MDGA2: variants seen among roughly 807,000 people sequenced by gnomAD.
MDGA2 encodes the protein MAM domain containing glycosylphosphatidylinositol anchor 2, also known as MAM domain-containing glycosylphosphatidylinositol anchor protein 2.
MDGA2 carries 40 observed loss-of-function variants against 117.8 expected under a neutral mutation model. The ratio of observed to expected loss-of-function variants is 0.34; its 90% CI spans 0.26 to 0.44. The LOEUF (loss-of-function observed/expected upper bound fraction) is 0.44. MDGA2 is among the 20% of genes least tolerant of loss of function. MDGA2 has a pLI of 1.00. For missense variants in MDGA2, 1,123 were observed against 1,250.6 expected (o/e 0.90, Z 1.54); for synonymous variants, 452 against 439.0 (o/e 1.03, Z -0.37).
intron 2 of MDGA2, among the ~76,000 whole-genome samples, chr14:47,244,711 G>T (rs952950667): frequency 6.6e-6 from 1 of 151,734 alleles, no homozygotes; most frequent in African/African-American, 2.4e-5. Context: ...TCAATGACAT[G>T]ACATCTTGAT....
intron 9 of MDGA2, among the ~76,000 whole-genome samples, chr14:46,936,449 G>C (rs1326458283): frequency 6.6e-6 from 1 of 151,922 alleles, no homozygotes; most frequent in African/African-American, 2.4e-5. Context: ...ATATGAATTT[G>C]AATTGTATAA....
chr14:47,623,779 T>G (rs1459459432), intron 1 of MDGA2, among the ~76,000 whole-genome samples: 2 of 152,190 alleles, frequency 1.3e-5, no homozygotes, highest in African/African-American at 4.8e-5. Flanking sequence ...GGATTATAAT[T>G]AAAACCCAAA....
chr14:47,109,176 A>G (rs1880901463), intron 5 of MDGA2, among the ~76,000 whole-genome samples: 4 of 152,208 alleles, frequency 2.6e-5, no homozygotes, highest in Admixed American at 2.6e-4. Flanking sequence ...CTTGTTATTA[A>G]TGGAAAACAC....
intron 1 of MDGA2, among the ~76,000 whole-genome samples, chr14:47,468,636 AC>A (rs1893652883): frequency 6.8e-6 from 1 of 147,008 alleles, no homozygotes; most frequent in South Asian, 2.2e-4. Flanking sequence ...ACTTCTTCAG[AC>A]CTCATAAATT....
At chr14:47,363,351 G>C (rs1301128280) in intron 1 of MDGA2, among the ~76,000 whole-genome samples, 1 of 151,996 alleles carries the variant, frequency 6.6e-6, no homozygotes, top group Non-Finnish European at 1.5e-5. Context: ...TCTGCCTCCC[G>C]GGTTCAAGCA....
chr14:47,319,933 A>G (rs1889929624), intron 1 of MDGA2, among the ~76,000 whole-genome samples: 1 of 152,188 alleles, frequency 6.6e-6, no homozygotes. Context: ...GGGCCCTAAT[A>G]CATATACAGA....
intron 1 of MDGA2, among the ~76,000 whole-genome samples, chr14:47,322,990 T>A (rs1279460120): frequency 6.6e-6 from 1 of 151,702 alleles, no homozygotes; most frequent in Non-Finnish European, 1.5e-5. Flanking sequence ...GTAGTTGCCA[T>A]ACATAATGAA....
chr14:46,862,283 A>G (rs1881541038), intron 14 of MDGA2, among the ~76,000 whole-genome samples: 1 of 151,786 alleles, frequency 6.6e-6, no homozygotes, highest in African/African-American at 2.4e-5. Flanking sequence ...GTCAGCTCTT[A>G]TGTTTAAAGA....
rs948484554 is a variant in MDGA2, at chr14:47,377,768, T to C, written c.281-76218A>G. ...GCTCAAGGAGGTATGCCCGCCTCTG[T>C]AGACTCTAGATCTGGGGGCAGGGCA... is the stretch of plus-strand genomic sequence containing the variant. On this transcript the variant is annotated intron_variant, in intron 1 of 16. Transcript: ENST00000399232. Among the ~76,000 whole-genome samples, 15 of 152,292 alleles carry C rather than the reference T, an allele frequency of 9.8e-5. No homozygotes were observed. The East Asian group carries it at 2.7e-3, about 28-fold the overall frequency.
intron 1 of MDGA2, among the ~76,000 whole-genome samples, chr14:47,433,850 G>T (rs1339418743): frequency 6.6e-6 from 1 of 152,096 alleles, no homozygotes; most frequent in East Asian, 1.9e-4. Flanking sequence ...GGAATGTGTT[G>T]AAGCTTCACA....
At chr14:47,197,361 TCCA>T (rs1003385645) in intron 3 of MDGA2, among the ~76,000 whole-genome samples, 1 of 152,032 alleles carries the variant, frequency 6.6e-6, no homozygotes, top group Non-Finnish European at 1.5e-5. Flanking sequence ...CTCTCTGTTC[TCCA>T]CCATGTGAAG....
intron 1 of MDGA2, among the ~76,000 whole-genome samples, chr14:47,448,140 AT>A (rs1298868970): frequency 2.5e-4 from 36 of 144,998 alleles, no homozygotes; most frequent in Admixed American, 1.2e-3. Flanking sequence ...TATTTATTTT[AT>A]TTTATTTTAT....
chr14:47,175,500 C>A (rs1338063493), intron 3 of MDGA2, among the ~76,000 whole-genome samples: 2 of 150,224 alleles, frequency 1.3e-5, no homozygotes, highest in Middle Eastern at 3.4e-3. Flanking sequence ...TCAATATACG[C>A]AAATCAATAA....
Position 47,259,362 on chromosome 14 carries a change from T to C in MDGA2, c.421-41167A>G, listed in dbSNP as rs530502900. Among the ~76,000 whole-genome samples, 7 of 152,232 alleles carry C rather than the reference T, an allele frequency of 4.6e-5. No homozygotes were observed. The East Asian group carries it at 1.4e-3, about 29-fold the overall frequency. The stretch of plus-strand genomic sequence containing the variant: ...CTTGCATACCCTTGTTTGAAGCTTG[T>C]ACTTTAAAACAAGCAAATAAAAATA... On this transcript the variant is annotated intron_variant, in intron 2 of 16. Coordinates refer to ENST00000399232, the MANE Select transcript of MDGA2 (RefSeq NM_001113498.3).
chr14:47,368,194 A>G (rs1034250039), intron 1 of MDGA2, among the ~76,000 whole-genome samples: 5 of 152,140 alleles, frequency 3.3e-5, no homozygotes, highest in African/African-American at 1.2e-4. Flanking sequence ...AGGCAGGAGA[A>G]TCGCTTGAAC....
intron 1 of MDGA2, among the ~76,000 whole-genome samples, chr14:47,313,983 T>C (rs769868325): frequency 3.9e-5 from 6 of 152,194 alleles, no homozygotes; most frequent in Non-Finnish European, 8.8e-5. Flanking sequence ...TGGAAAAATA[T>C]ACACTTGTAA....
At chr14:47,068,037 C>T (rs1890146224) in intron 6 of MDGA2, among the ~76,000 whole-genome samples, 1 of 152,088 alleles carries the variant, frequency 6.6e-6, no homozygotes, top group African/African-American at 2.4e-5. Context: ...TTTAACATAG[C>T]ACCCCTGATA....
At chr14:47,660,467 T>C (rs545808709) in intron 1 of MDGA2, among the ~76,000 whole-genome samples, 1 of 152,302 alleles carries the variant, frequency 6.6e-6, no homozygotes, top group South Asian at 2.1e-4. Context: ...AACAAATCAC[T>C]AAACTGCACT....
At chr14:47,216,321 G>A (rs1594729830) in intron 3 of MDGA2, among the ~76,000 whole-genome samples, 1 of 152,134 alleles carries the variant, frequency 6.6e-6, no homozygotes, top group Non-Finnish European at 1.5e-5. Context: ...AACCTTTGGA[G>A]TATGTGTTTC....
Sources: allele counts gnomAD v4.1 joint callset (sites outside exome capture counted in the v4.1 genomes callset), GRCh38; gene constraint gnomAD v4.1.1; transcripts MANE v1.5; gene names NCBI Gene and HGNC (gene_info 2026-07-23, HGNC 2026-07-21).